Variants in PARD3 observed in about 807,000 individuals in gnomAD.
The protein encoded by PARD3 is par-3 family cell polarity regulator.
A neutral mutation model predicts 155.4 loss-of-function variants in PARD3; 75 were observed. That is an observed-to-expected ratio of 0.48 (90% confidence interval 0.40 to 0.58). PARD3 has a LOEUF of 0.58. Ranked by LOEUF, PARD3 falls within the 20% of genes least tolerant of loss-of-function variation. PARD3 has a pLI of 0.00. For synonymous variants in PARD3, 576 were observed against 610.5 expected, an observed-to-expected ratio of 0.94 and a Z score of 0.83; for missense variants, 1,642 against 1,721.7, an observed-to-expected ratio of 0.95 and a Z score of 0.82.
chr10:34,228,670 G>A (rs988221827), intron 22 of PARD3, among the ~76,000 whole-genome samples: 1 of 152,040 alleles, frequency 6.6e-6, no homozygotes, highest in South Asian at 2.1e-4. Context: ...AATAAAGCTG[G>A]TATAAAGTAT....
intron 2 of PARD3, among the ~76,000 whole-genome samples, chr10:34,620,538 C>T (rs1421532198): frequency 6.6e-6 from 1 of 152,150 alleles, no homozygotes; most frequent in Non-Finnish European, 1.5e-5. Context: ...TCAAAGGAAA[C>T]GACGAGGCTG....
intron 20 of PARD3, among the ~76,000 whole-genome samples, chr10:34,285,916 A>G (rs574327801): frequency 1.7e-4 from 26 of 152,324 alleles, no homozygotes; most frequent in Non-Finnish European, 1.9e-4. Context: ...AATTAACTTT[A>G]TAAAGCAAAT....
intron 22 of PARD3, among the ~76,000 whole-genome samples, chr10:34,171,432 A>T (rs1424588928): frequency 6.6e-6 from 1 of 152,168 alleles, no homozygotes; most frequent in Non-Finnish European, 1.5e-5. Context: ...GGAGCCCAAA[A>T]CCAAAAATTC....
At chr10:34,507,770 T>G (rs1167289832) in intron 3 of PARD3, among the ~76,000 whole-genome samples, 1 of 152,194 alleles carries the variant, frequency 6.6e-6, no homozygotes, top group Non-Finnish European at 1.5e-5. Flanking sequence ...TATGACCTTG[T>G]CAACATGTAA....
At chr10:34,366,793 CTT>C (rs1438380895) in intron 12 of PARD3, among the ~76,000 whole-genome samples, 2 of 152,000 alleles carry the variant, frequency 1.3e-5, no homozygotes, top group African/African-American at 4.8e-5. Flanking sequence ...TGATAAACCT[CTT>C]AATAAAAGAA....
chr10:34,468,319 G>C (rs1161341409), intron 4 of PARD3, among the ~76,000 whole-genome samples: 1 of 152,138 alleles, frequency 6.6e-6, no homozygotes, highest in Non-Finnish European at 1.5e-5. Context: ...ATAAAAACAC[G>C]TTCTGTTTGC....
At chr10:34,262,093 A>G (rs1277413054) in intron 22 of PARD3, among the ~76,000 whole-genome samples, 1 of 152,182 alleles carries the variant, frequency 6.6e-6, no homozygotes. Flanking sequence ...GCTGCATCAG[A>G]GTCAACTGGG....
chr10:34,111,696 A>C, intron 24 of PARD3, 134 bp from the exon 25 acceptor site: 1 of 721,452 alleles, frequency 1.4e-6, no homozygotes, highest in Non-Finnish European at 2.3e-6. Context: ...CATGCCAGAC[A>C]CTGCGATAGG....
intron 22 of PARD3, among the ~76,000 whole-genome samples, chr10:34,155,668 A>ATATG (rs1948971512): frequency 7.1e-6 from 1 of 140,346 alleles, no homozygotes; most frequent in African/African-American, 2.6e-5. Context: ...CCCTCTAAAA[A>ATATG]TGTGTGTGTG....
chr10:34,804,764 A>C (rs1475863364), intron 1 of PARD3, among the ~76,000 whole-genome samples: 1 of 152,244 alleles, frequency 6.6e-6, no homozygotes, highest in Non-Finnish European at 1.5e-5. Context: ...AAACACAGAC[A>C]TAAAAACTTT....
chr10:34,519,261 T>C (rs1446829173), intron 2 of PARD3, among the ~76,000 whole-genome samples: 5 of 152,170 alleles, frequency 3.3e-5, no homozygotes, highest in South Asian at 4.1e-4. Context: ...ATCTGATTAG[T>C]TGACAGTACT....
intron 2 of PARD3, among the ~76,000 whole-genome samples, chr10:34,523,579 C>A (rs541077869): frequency 1.4e-4 from 22 of 152,260 alleles, no homozygotes; most frequent in African/African-American, 5.3e-4. Context: ...CAAGCCAGAT[C>A]CAGCGGCTTA....
At chr10:34,154,928 G>C (rs1223253895) in intron 22 of PARD3, among the ~76,000 whole-genome samples, 1 of 152,182 alleles carries the variant, frequency 6.6e-6, no homozygotes, top group African/African-American at 2.4e-5. Flanking sequence ...CTAAATGCCA[G>C]GCATTATGTA....
intron 1 of PARD3, among the ~76,000 whole-genome samples, chr10:34,780,042 ATCT>A (rs1323926245): frequency 1.3e-5 from 2 of 152,048 alleles, no homozygotes; most frequent in African/African-American, 4.8e-5. Flanking sequence ...ACTTCCCTCC[ATCT>A]TCTTCTTTCC....
At chr10:34,296,192 T>C (rs1036093916) in intron 20 of PARD3, among the ~76,000 whole-genome samples, 1 of 152,220 alleles carries the variant, frequency 6.6e-6, no homozygotes, top group Non-Finnish European at 1.5e-5. Context: ...TATTATATTT[T>C]AAAATAAGTT....
chr10:34,710,014 G>T (rs777569206), intron 1 of PARD3, among the ~76,000 whole-genome samples: 10 of 152,120 alleles, frequency 6.6e-5, no homozygotes, highest in Non-Finnish European at 1.2e-4. Context: ...GGGGGACAGG[G>T]AGCTAGAATT....
intron 1 of PARD3, among the ~76,000 whole-genome samples, chr10:34,722,773 C>T (rs2094629041): frequency 6.6e-6 from 1 of 152,180 alleles, no homozygotes; most frequent in African/African-American, 2.4e-5. Context: ...ACAGTATCTT[C>T]TTTAGAAAGT....
chr10:34,629,594 T>C (rs1217630163), intron 2 of PARD3, among the ~76,000 whole-genome samples: 2 of 152,254 alleles, frequency 1.3e-5, no homozygotes, highest in African/African-American at 2.4e-5. Context: ...AGGGCCTCAG[T>C]TGCAAGTTTC....
At chr10:34,710,463 T>C (rs1466625246) in intron 1 of PARD3, among the ~76,000 whole-genome samples, 1 of 143,480 alleles carries the variant, frequency 7.0e-6, no homozygotes, top group Non-Finnish European at 1.5e-5. Context: ...ATAAAATGAC[T>C]GTCCAATTCA....
Sources: allele counts gnomAD v4.1 joint callset (sites outside exome capture counted in the v4.1 genomes callset), GRCh38; gene constraint gnomAD v4.1.1; transcripts MANE v1.5; gene names NCBI Gene and HGNC (gene_info 2026-07-23, HGNC 2026-07-21).